The following JAZF1 variants were observed in gnomAD, a reference collection of about 807,000 sequenced individuals.
The protein encoded by JAZF1 is juxtaposed with another zinc finger protein 1.
A neutral mutation model predicts 26.4 loss-of-function variants in JAZF1; 8 were observed. The ratio of observed to expected loss-of-function variants is 0.30; its 90% CI spans 0.18 to 0.55. The LOEUF is 0.55. Among genes scored for constraint, JAZF1 ranks in the 20% least tolerant of loss-of-function variants. JAZF1 has a pLI of 0.94. For synonymous variants in JAZF1, 126 were observed against 122.3 expected (o/e 1.03, Z -0.20); for missense variants, 199 against 322.0 (o/e 0.62, Z 2.92).
chr7:28,034,767 CCAT>C (rs1367519922), intron 1 of JAZF1, among the ~76,000 whole-genome samples: 1 of 152,114 alleles, frequency 6.6e-6, no homozygotes, highest in Non-Finnish European at 1.5e-5. Context: ...AGAAATGACA[CCAT>C]CATCCTCTTA....
At chr7:27,861,202 G>A (rs900868869) in intron 3 of JAZF1, among the ~76,000 whole-genome samples, 1 of 152,176 alleles carries the variant, frequency 6.6e-6, no homozygotes, top group Non-Finnish European at 1.5e-5. Flanking sequence ...GGGAGACTCA[G>A]CTTCTCGCTG....
rs181089828 is a variant in JAZF1 at position 28,157,961 on chromosome 7, G to C, written c.115+22502C>G. ...AGTTTCTCAAGTAGCAGAACTGATA[G>C]GAATAAACACTCATGTTGGTTCCTG... On this transcript the variant is annotated intron_variant, in intron 1 of 4. Transcript: ENST00000283928. Among the ~76,000 whole-genome samples the C allele has an allele frequency of 4.9e-4, 75 of 151,940 alleles. 1 individual carries two copies. Among genetic ancestry groups the C allele is most frequent in the Non-Finnish European group, 8.8e-5 (6 of 67,966 alleles).
intron 3 of JAZF1, among the ~76,000 whole-genome samples, chr7:27,845,801 TTCCCTTCTCCAGG>T (rs1783019476): frequency 6.6e-6 from 1 of 151,966 alleles, no homozygotes; most frequent in Non-Finnish European, 1.5e-5. Flanking sequence ...TCATGGGGGC[TTCCCTTCTCCAGG>T]TCTACCTCAT....
At chr7:27,890,866 C>T (rs539123279) in intron 3 of JAZF1, among the ~76,000 whole-genome samples, 20 of 150,116 alleles carry the variant, frequency 1.3e-4, no homozygotes, top group South Asian at 8.5e-4. Context: ...CTCGGCTCAC[C>T]GCAACCTCCA....
chr7:27,860,872 G>A (rs544775226), intron 3 of JAZF1, among the ~76,000 whole-genome samples: 135 of 141,458 alleles, frequency 9.5e-4, no homozygotes, highest in Middle Eastern at 3.6e-3. Flanking sequence ...GCCTCCCCTC[G>A]TCCCTCCTTT....
chr7:27,996,168 C>T (rs1786011794), intron 1 of JAZF1, among the ~76,000 whole-genome samples: 1 of 152,190 alleles, frequency 6.6e-6, no homozygotes, highest in Admixed American at 6.5e-5. Context: ...AATTAACGAG[C>T]TCTTGGGCTT....
At chr7:27,843,410 A>T (rs1347614341) in intron 3 of JAZF1, 3 of 152,240 alleles carry the variant, frequency 2.0e-5, no homozygotes, top group Admixed American at 2.0e-4. Context: ...GATCAGAATG[A>T]GTGTGTATAG....
Position 27,840,613 on chromosome 7 carries a change from T to C in JAZF1, c.555+85A>G, listed in dbSNP as rs576749949. On this transcript the variant is annotated intron_variant, in intron 4 of 4. Coordinates refer to ENST00000283928, the MANE Select transcript of JAZF1 (RefSeq NM_175061.4). This position sits in a 1 kb window ranked among gnomAD's most constrained non-coding sequence, Gnocchi z 5.1. ...GTCTCCCCCCAGCCCATACGCTCGC[T>C]TTAAAATCAAGAAAGGGCTGCTGCC... is the stretch of plus-strand genomic sequence containing the variant. 11 of 1,431,228 alleles carry C rather than the reference T, an allele frequency of 7.7e-6. No homozygotes were observed. The Admixed American group carries it at 9.1e-5, about 12-fold the overall frequency. The allele number at this position is 1,431,228 out of a possible 1,614,324, so 88.7% of individuals were successfully genotyped here.
intron 1 of JAZF1, among the ~76,000 whole-genome samples, chr7:28,076,289 T>C (rs1437285758): frequency 6.6e-6 from 1 of 152,196 alleles, no homozygotes; most frequent in South Asian, 2.1e-4. Context: ...GACATTTTTA[T>C]GAGATATCCA....
At chr7:28,008,230 TA>T (rs199778328) in intron 1 of JAZF1, among the ~76,000 whole-genome samples, 1 of 152,050 alleles carries the variant, frequency 6.6e-6, no homozygotes, top group Admixed American at 6.6e-5. Flanking sequence ...TAATTATTAT[TA>T]TTTTTTTTAG....
At chr7:27,864,496 T>C (rs560080132) in intron 3 of JAZF1, among the ~76,000 whole-genome samples, 1 of 152,130 alleles carries the variant, frequency 6.6e-6, no homozygotes, top group Non-Finnish European at 1.5e-5. Context: ...TCAAAACCCA[T>C]GGGTTTGCCC....
intron 2 of JAZF1, among the ~76,000 whole-genome samples, chr7:27,969,270 C>T (rs1403852160): frequency 6.6e-6 from 1 of 152,140 alleles, no homozygotes; most frequent in Non-Finnish European, 1.5e-5. Flanking sequence ...AAAGCCAGAT[C>T]CCATTTCTGG....
intron 1 of JAZF1, among the ~76,000 whole-genome samples, chr7:28,101,703 C>T (rs552228021): frequency 7.9e-5 from 12 of 151,762 alleles, no homozygotes; most frequent in East Asian, 1.9e-4. Context: ...GTGATCCTGC[C>T]GCTGCACTCC....
At chr7:28,043,685 A>G (rs1783444359) in intron 1 of JAZF1, among the ~76,000 whole-genome samples, 1 of 152,148 alleles carries the variant, frequency 6.6e-6, no homozygotes, top group Non-Finnish European at 1.5e-5. Context: ...TTGAACATAA[A>G]TGTTCAAAGC....
chr7:27,923,599 G>A (rs989069544), intron 2 of JAZF1, among the ~76,000 whole-genome samples: 1 of 152,230 alleles, frequency 6.6e-6, no homozygotes, highest in Non-Finnish European at 1.5e-5. Flanking sequence ...TGGGAGCATG[G>A]CTGGGCTGGC....
At position 28,099,077 on chromosome 7, in the gene JAZF1, C is replaced by T. The variant is rs553756282; in HGVS notation, c.115+81386G>A. On this transcript the variant is annotated intron_variant, in intron 1 of 4. Transcript: ENST00000283928. ...GCCAGCACCACTTTCTTGGGACTTT[C>T]TATTATTGCTGGCATGTTAGCCAAT... Among the ~76,000 whole-genome samples, 4 of 152,284 alleles carry T rather than the reference C, an allele frequency of 2.6e-5. No individual in the cohort carries two copies. The South Asian group carries it at 8.3e-4, about 32-fold the overall frequency.
chr7:28,037,057 G>A (rs1783305976), intron 1 of JAZF1, among the ~76,000 whole-genome samples: 1 of 152,200 alleles, frequency 6.6e-6, no homozygotes, highest in South Asian at 2.1e-4. Flanking sequence ...CTGGGGTGCA[G>A]AGGGAATCAA....
chr7:28,103,366 G>A (rs1015664336), intron 1 of JAZF1, among the ~76,000 whole-genome samples: 8 of 152,076 alleles, frequency 5.3e-5, no homozygotes, highest in South Asian at 2.1e-4. Context: ...CCTTGAGGCC[G>A]GCCAGGGGTT....
intron 2 of JAZF1, among the ~76,000 whole-genome samples, chr7:27,931,627 C>A (rs1231114700): frequency 2.0e-5 from 3 of 151,972 alleles, no homozygotes; most frequent in Non-Finnish European, 4.4e-5. Flanking sequence ...ACCAGCCTGG[C>A]CAATATGGTG....
Sources: gnomAD v4.1 joint callset for allele counts (sites outside exome capture counted in the v4.1 genomes callset) on GRCh38, gnomAD v4.1.1 for gene constraint, Gnocchi (gnomAD v3.1) non-coding constraint, MANE v1.5 for transcripts, NCBI Gene and HGNC (gene_info 2026-07-23, HGNC 2026-07-21) for gene names.